The following WFDC1 variants were observed in gnomAD, a reference collection of about 807,000 sequenced individuals.
The protein encoded by WFDC1 is WAP four-disulfide core domain protein 1.
A neutral mutation model predicts 32.9 loss-of-function variants in WFDC1; 39 were observed. The ratio of observed to expected loss-of-function variants is 1.19; its 90% confidence interval spans 0.92 to 1.55. The LOEUF (loss-of-function observed/expected upper bound fraction) is 1.55. Ranked by LOEUF, WFDC1 falls within the 40% of genes most tolerant of loss-of-function variation. The pLI, the probability that WFDC1 is intolerant of heterozygous loss-of-function variation, is 0.00. For missense variants in WFDC1, 386 were observed against 309.5 expected (o/e 1.25, Z -1.85); for synonymous variants, 184 against 137.4 (o/e 1.34, Z -2.37).
At chr16:84,302,167 C>A (rs902680316) in intron 1 of WFDC1, among the ~76,000 whole-genome samples, 1 of 151,730 alleles carries the variant, frequency 6.6e-6, no homozygotes, top group Non-Finnish European at 1.5e-5. Context: ...GCAAATCCAG[C>A]GGGACGGGAA....
chr16:84,318,522 G>C (rs1221558882), intron 3 of WFDC1, 167 bp downstream of exon 3: 7 of 637,538 alleles, frequency 1.1e-5, no homozygotes, highest in Non-Finnish European at 1.4e-5. Flanking sequence ...AAGGGCTGAT[G>C]GCTGGGGGCT....
chr16:84,297,272 A>G (rs1443462393), intron 1 of WFDC1, among the ~76,000 whole-genome samples: 2 of 152,112 alleles, frequency 1.3e-5, no homozygotes, highest in Non-Finnish European at 2.9e-5. Flanking sequence ...CTGGTTATCA[A>G]CAGATATTGG....
chr16:84,323,839 G>A (rs1243487397), intron 4 of WFDC1, among the ~76,000 whole-genome samples: 2 of 152,242 alleles, frequency 1.3e-5, no homozygotes, highest in Non-Finnish European at 2.9e-5. Flanking sequence ...CAATGGTTTT[G>A]GCCGGGCATG....
At chr16:84,322,956 T>G in intron 4 of WFDC1, among the ~76,000 whole-genome samples, 1 of 152,216 alleles carries the variant, frequency 6.6e-6, no homozygotes, top group Middle Eastern at 3.4e-3. Flanking sequence ...CGAGTAATCA[T>G]TTTTGGTAAT....
At position 84,295,048 on chromosome 16, in the gene WFDC1, T is replaced by G; in HGVS notation, c.77T>G (p.Leu26Arg). 2 of 1,614,184 alleles carry G rather than the reference T, an allele frequency of 1.2e-6. No homozygotes were observed. The highest frequency in any genetic ancestry group is 2.2e-5 in the South Asian group (2 of 91,082). Residue 26 changes from leucine to arginine, a missense_variant, in exon 1 of 7, where the codon CTC becomes CGC. By Grantham distance (102) the Leu-to-Arg change is moderately radical. Transcript: ENST00000219454. ...IRALCLLLLLLHAGSAKNIWK... is the reference protein window; with the variant it reads ...IRALCLLLLLRHAGSAKNIWK... The stretch of plus-strand genomic sequence containing the variant: ...GCTCTGTGCCTCTTGCTACTTCTCC[T>G]CCACGCCGGCTCTGCCAAGAATATC...
At chr16:84,317,235 A>T (rs139695992) in intron 2 of WFDC1, 1 of 152,020 alleles carries the variant, frequency 6.6e-6, no homozygotes, top group Non-Finnish European at 1.5e-5. Context: ...AGAGGTTGCA[A>T]TGAGCTGAGA....
rs569205052 is a variant in WFDC1 at position 84,310,912 on chromosome 16, T to C, written c.145-2049T>C. ...ACAAGGGGGCCAGATTTTGAATATGTTGGGGGAGGACTTGTGGGGAGGTAA... is the reference window on the plus strand; with the variant it reads ...ACAAGGGGGCCAGATTTTGAATATGCTGGGGGAGGACTTGTGGGGAGGTAA... On this transcript the variant is annotated intron_variant, in intron 1 of 6. Transcript: ENST00000219454. Among the ~76,000 whole-genome samples the C allele has an allele frequency of 5.9e-5, 9 of 152,322 alleles. No individual in the cohort carries two copies. In the South Asian group the frequency reaches 8.3e-4, roughly 14 times the overall value.
intron 1 of WFDC1, among the ~76,000 whole-genome samples, chr16:84,304,155 C>T (rs1378048991): frequency 1.3e-5 from 2 of 152,210 alleles, no homozygotes; most frequent in East Asian, 3.9e-4. Flanking sequence ...ACTGCTGCAG[C>T]CCAAAATGGG....
intron 5 of WFDC1, chr16:84,326,577 G>A: frequency 2.9e-6 from 1 of 350,480 alleles, no homozygotes. Flanking sequence ...ATAGTGGGCA[G>A]CAGAATGGCA....
chr16:84,327,173 G>A (rs1179786805), intron 6 of WFDC1: 7 of 536,864 alleles, frequency 1.3e-5, no homozygotes, highest in Non-Finnish European at 2.3e-5. Context: ...TGCACTGTAT[G>A]CCATAGAAGC....
At chr16:84,324,334 C>T in intron 4 of WFDC1, 85 bp from the exon 5 acceptor site, 1 of 1,277,804 alleles carries the variant, frequency 7.8e-7, no homozygotes, top group Non-Finnish European at 1.1e-6. Flanking sequence ...CTGAAAAACA[C>T]AAGTAATTCC....
chr16:84,303,579 C>G (rs371278923), intron 1 of WFDC1, among the ~76,000 whole-genome samples: 49 of 152,126 alleles, frequency 3.2e-4, no homozygotes, highest in African/African-American at 1.1e-3. Context: ...TCTGGGGTGT[C>G]TGTCTAGATT....
intron 3 of WFDC1, chr16:84,318,786 C>G: frequency 4.5e-6 from 1 of 221,976 alleles, no homozygotes; most frequent in South Asian, 7.4e-5. Flanking sequence ...CGAGCGGGCA[C>G]CCTTGCACAC....
At chr16:84,307,382 A>G (rs1179620393) in intron 1 of WFDC1, among the ~76,000 whole-genome samples, 4 of 152,220 alleles carry the variant, frequency 2.6e-5, no homozygotes, top group Non-Finnish European at 5.9e-5. Flanking sequence ...TGGGCCTCTC[A>G]GTGAAATCAG....
intron 5 of WFDC1, among the ~76,000 whole-genome samples, chr16:84,324,841 C>T (rs1020186547): frequency 6.6e-6 from 1 of 152,102 alleles, no homozygotes; most frequent in Non-Finnish European, 1.5e-5. Context: ...TCCATCTACC[C>T]ACCCATCCAT....
chr16:84,310,148 G>A (rs975105968), intron 1 of WFDC1, among the ~76,000 whole-genome samples: 3 of 151,978 alleles, frequency 2.0e-5, no homozygotes, highest in African/African-American at 4.8e-5. Flanking sequence ...ATGCGATGGC[G>A]GATTTCTATT....
Position 84,305,297 on chromosome 16 carries a change from A to G in WFDC1, c.145-7664A>G, listed in dbSNP as rs577097898. ...GTGCCTCCGTTTCCTCACCTATGCA[A>G]TGGGGACAGCAGTGGTACCTACTGG... On this transcript the variant is annotated intron_variant, in intron 1 of 6. Coordinates refer to ENST00000219454, the MANE Select transcript of WFDC1 (RefSeq NM_021197.4). 1.7e-4 allele frequency among the ~76,000 whole-genome samples: 26 copies of G among 152,226 alleles called. No individual in the cohort carries two copies. In the South Asian group the frequency reaches 4.2e-3, roughly 24 times the overall value.
At chr16:84,315,296 C>T (rs866396555) in intron 2 of WFDC1, among the ~76,000 whole-genome samples, 1 of 152,194 alleles carries the variant, frequency 6.6e-6, no homozygotes, top group African/African-American at 2.4e-5. Flanking sequence ...TTTAAACCCT[C>T]CATCCCTGTT....
chr16:84,306,663 C>T (rs1907277916), intron 1 of WFDC1, among the ~76,000 whole-genome samples: 1 of 152,210 alleles, frequency 6.6e-6, no homozygotes, highest in Non-Finnish European at 1.5e-5. Flanking sequence ...CTCTGCAGAA[C>T]CCACTGCACA....
Sources: allele counts gnomAD v4.1 joint callset (sites outside exome capture counted in the v4.1 genomes callset), GRCh38; gene constraint gnomAD v4.1.1; transcripts MANE v1.5; gene names NCBI Gene and HGNC (gene_info 2026-07-23, HGNC 2026-07-21).